GABRB1: variants seen among roughly 807,000 people sequenced by gnomAD.
The protein encoded by GABRB1 is gamma-aminobutyric acid receptor subunit beta-1.
A neutral mutation model predicts 51.6 loss-of-function variants in GABRB1; 17 were observed. The observed-to-expected ratio is 0.33, with a 90% CI of 0.23 to 0.49. The LOEUF is 0.49. Ranked by LOEUF, GABRB1 falls within the 20% of genes least tolerant of loss-of-function variation. The pLI, the probability that GABRB1 is intolerant of heterozygous loss-of-function variation, is 0.99. For missense variants in GABRB1, 410 were observed against 600.6 expected, an observed-to-expected ratio of 0.68 and a Z score of 3.32; for synonymous variants, 247 against 218.9, an observed-to-expected ratio of 1.13 and a Z score of -1.14.
At chr4:47,320,533 A>T (rs538372604) in intron 5 of GABRB1, among the ~76,000 whole-genome samples, 1 of 152,280 alleles carries the variant, frequency 6.6e-6, no homozygotes, top group East Asian at 1.9e-4. Context: ...AGTTTGTGAG[A>T]TTGTTTTGGG....
intron 3 of GABRB1, among the ~76,000 whole-genome samples, chr4:47,111,833 C>T (rs1715225768): frequency 6.6e-6 from 1 of 152,080 alleles, no homozygotes; most frequent in Non-Finnish European, 1.5e-5. Flanking sequence ...CCACTGCACT[C>T]CAACCTGGGC....
intron 4 of GABRB1, among the ~76,000 whole-genome samples, chr4:47,165,493 A>G (rs1718143909): frequency 6.6e-6 from 1 of 151,982 alleles, no homozygotes; most frequent in Non-Finnish European, 1.5e-5. Flanking sequence ...CAAAACAATC[A>G]CTGGTTCTCA....
intron 5 of GABRB1, among the ~76,000 whole-genome samples, chr4:47,376,683 C>G (rs767452976): frequency 6.6e-5 from 10 of 152,072 alleles, no homozygotes; most frequent in Non-Finnish European, 1.5e-4. Flanking sequence ...TAGATGATCT[C>G]AGCAGGAAGA....
rs183989984 is a variant in GABRB1, at chr4:47,117,008, C to T, written c.241-44241C>T. On this transcript the variant is annotated intron_variant, in intron 3 of 8. Coordinates refer to ENST00000295454, the MANE Select transcript of GABRB1 (RefSeq NM_000812.4). ...GAGCAGCAAGCGGGGAAGTCCACCCCCATGATCCAGTCACCACCTGCCAGG... is the reference window on the plus strand; with the variant it reads ...GAGCAGCAAGCGGGGAAGTCCACCCTCATGATCCAGTCACCACCTGCCAGG... Among the ~76,000 whole-genome samples, 6 of 152,212 alleles carry T rather than the reference C, an allele frequency of 3.9e-5. No homozygotes were observed. In the East Asian group the frequency reaches 9.7e-4, roughly 25 times the overall value.
At chr4:47,140,015 T>G (rs775577074) in intron 3 of GABRB1, among the ~76,000 whole-genome samples, 8 of 151,482 alleles carry the variant, frequency 5.3e-5, no homozygotes, top group Non-Finnish European at 1.2e-4. Flanking sequence ...GAATATCAGA[T>G]GGAAACACAG....
chr4:47,404,073 C>T (rs1728487593), intron 7 of GABRB1, among the ~76,000 whole-genome samples: 1 of 152,172 alleles, frequency 6.6e-6, no homozygotes, highest in African/African-American at 2.4e-5. Flanking sequence ...GCACTATTTT[C>T]AAATGAATTT....
intron 3 of GABRB1, among the ~76,000 whole-genome samples, chr4:47,068,927 A>G (rs975411822): frequency 3.9e-5 from 6 of 152,202 alleles, no homozygotes; most frequent in Admixed American, 6.5e-5. Flanking sequence ...ATGGCTGTAA[A>G]AACAGGGAGA....
chr4:47,123,782 A>G (rs1349027981), intron 3 of GABRB1, among the ~76,000 whole-genome samples: 5 of 86,936 alleles, frequency 5.8e-5, no homozygotes, highest in Admixed American at 2.0e-4. Flanking sequence ...ATCATATATT[A>G]TTATATATAA....
At chr4:46,997,971 G>A (rs1724052763) in intron 1 of GABRB1, among the ~76,000 whole-genome samples, 1 of 152,118 alleles carries the variant, frequency 6.6e-6, no homozygotes. Flanking sequence ...ATCTGATGGT[G>A]CTATGTTTAG....
chr4:47,341,703 T>C (rs1220482821), intron 5 of GABRB1, among the ~76,000 whole-genome samples: 2 of 152,202 alleles, frequency 1.3e-5, no homozygotes, highest in Non-Finnish European at 2.9e-5. Flanking sequence ...TGTAATTGTT[T>C]TTCTGGCTTA....
intron 1 of GABRB1, among the ~76,000 whole-genome samples, chr4:47,005,043 G>A (rs1478088823): frequency 6.6e-6 from 1 of 152,154 alleles, no homozygotes; most frequent in Non-Finnish European, 1.5e-5. Context: ...GGGCCTAGGG[G>A]GAGGCCAGAC....
intron 3 of GABRB1, among the ~76,000 whole-genome samples, chr4:47,113,124 G>A (rs375650279): frequency 1.1e-4 from 16 of 152,052 alleles, no homozygotes; most frequent in African/African-American, 3.1e-4. Flanking sequence ...AGTGGTTCGC[G>A]CCTGTAATCC....
chr4:47,411,147 A>C (rs1395297758), intron 8 of GABRB1, among the ~76,000 whole-genome samples: 2 of 152,238 alleles, frequency 1.3e-5, no homozygotes, highest in Non-Finnish European at 1.5e-5. Context: ...ACAGAGCAGT[A>C]AAAGTCTCAA....
chr4:47,070,048 CT>C (rs1307079156), intron 3 of GABRB1, among the ~76,000 whole-genome samples: 1 of 145,626 alleles, frequency 6.9e-6, no homozygotes, highest in East Asian at 2.0e-4. Flanking sequence ...CTTTTCTTTT[CT>C]TTTTGAGACC....
intron 5 of GABRB1, among the ~76,000 whole-genome samples, chr4:47,351,998 A>G (rs1204699569): frequency 6.6e-6 from 1 of 152,098 alleles, no homozygotes; most frequent in Non-Finnish European, 1.5e-5. Flanking sequence ...AACTTCCACA[A>G]TGGTTGAACT....
intron 3 of GABRB1, among the ~76,000 whole-genome samples, chr4:47,130,325 CTG>C (rs67244692): frequency 0.024 from 3,189 of 133,592 alleles, 56 homozygotes; most frequent in African/African-American, 0.049. Context: ...GCTCCAGATA[CTG>C]TGTGTGTGTG....
intron 1 of GABRB1, among the ~76,000 whole-genome samples, chr4:47,012,573 G>A (rs1288785099): frequency 6.6e-6 from 1 of 152,100 alleles, no homozygotes; most frequent in East Asian, 1.9e-4. Context: ...CATTGTCATG[G>A]TAATCAACCC....
At chr4:47,057,163 G>A (rs1413870571) in intron 3 of GABRB1, among the ~76,000 whole-genome samples, 1 of 152,070 alleles carries the variant, frequency 6.6e-6, no homozygotes, top group Non-Finnish European at 1.5e-5. Flanking sequence ...CAGTTCTCTG[G>A]TCTACATTTA....
At chr4:47,325,268 C>G (rs1662389449) in intron 5 of GABRB1, among the ~76,000 whole-genome samples, 1 of 152,094 alleles carries the variant, frequency 6.6e-6, no homozygotes, top group Non-Finnish European at 1.5e-5. Context: ...AACCCCGTTT[C>G]TACTAAAGAT....
Sources: gnomAD v4.1 joint callset for allele counts (sites outside exome capture counted in the v4.1 genomes callset) on GRCh38, gnomAD v4.1.1 for gene constraint, MANE v1.5 for transcripts, NCBI Gene and HGNC (gene_info 2026-07-23, HGNC 2026-07-21) for gene names.